DLC1: variants seen among roughly 807,000 people sequenced by gnomAD.
DLC1 encodes the protein DLC1 Rho GTPase activating protein, also known as rho GTPase-activating protein 7.
Under a neutral mutation model 140.3 loss-of-function variants are expected in DLC1, and 54 were observed. The ratio of observed to expected loss-of-function variants is 0.38; its 90% CI spans 0.31 to 0.48. DLC1 has a LOEUF of 0.48. Among genes scored for constraint, DLC1 ranks in the 20% least tolerant of loss-of-function variants. The pLI is 0.96. For synonymous variants in DLC1, 986 were observed against 728.1 expected, an observed-to-expected ratio of 1.35 and a Z score of -5.70; for missense variants, 2,536 against 1,907.0, an observed-to-expected ratio of 1.33 and a Z score of -6.14.
At chr8:13,492,862 A>C (rs1801324647) in intron 2 of DLC1, among the ~76,000 whole-genome samples, 1 of 152,222 alleles carries the variant, frequency 6.6e-6, no homozygotes, top group African/African-American at 2.4e-5. Flanking sequence ...AATATCTGCA[A>C]ATACATTTTT....
At chr8:13,093,148 GA>G (rs35750541) in intron 12 of DLC1, among the ~76,000 whole-genome samples, 103,344 of 150,118 alleles carry the variant, frequency 0.69, 38,633 homozygotes, top group East Asian at 0.86. Context: ...TCCTAAGCAT[GA>G]AAAAAAAAAA....
At chr8:13,201,427 C>T (rs936082237) in intron 5 of DLC1, among the ~76,000 whole-genome samples, 1 of 152,056 alleles carries the variant, frequency 6.6e-6, no homozygotes, top group Non-Finnish European at 1.5e-5. Flanking sequence ...ATATTTTATA[C>T]CTTCTGATAA....
chr8:13,283,833 A>G (rs916080709), intron 5 of DLC1, among the ~76,000 whole-genome samples: 2 of 152,200 alleles, frequency 1.3e-5, no homozygotes, highest in Non-Finnish European at 2.9e-5. Flanking sequence ...TTGAGGTGAC[A>G]GAGATCAGAG....
chr8:13,591,864 A>T (rs1228397023), intron 1 of DLC1, among the ~76,000 whole-genome samples: 2 of 152,144 alleles, frequency 1.3e-5, no homozygotes, highest in Non-Finnish European at 2.9e-5. Flanking sequence ...GAGGAAATTA[A>T]ACAAAGATTA....
At chr8:13,560,971 T>C (rs944466130) in intron 1 of DLC1, among the ~76,000 whole-genome samples, 4 of 152,130 alleles carry the variant, frequency 2.6e-5, no homozygotes, top group African/African-American at 9.7e-5. Context: ...AGATTATATA[T>C]ATATTTTTTA....
intron 1 of DLC1, among the ~76,000 whole-genome samples, chr8:13,549,241 T>A (rs1803765336): frequency 6.6e-6 from 1 of 152,020 alleles, no homozygotes; most frequent in South Asian, 2.1e-4. Context: ...CTTAGCGAGG[T>A]GATACGTCCA....
intron 5 of DLC1, among the ~76,000 whole-genome samples, chr8:13,183,244 A>T (rs1826143512): frequency 6.6e-6 from 1 of 152,176 alleles, no homozygotes; most frequent in African/African-American, 2.4e-5. Context: ...CTAAATATAC[A>T]ATCATGTCAT....
At chr8:13,307,399 A>G (rs2117531149) in intron 4 of DLC1, among the ~76,000 whole-genome samples, 1 of 152,326 alleles carries the variant, frequency 6.6e-6, no homozygotes, top group African/African-American at 2.4e-5. Flanking sequence ...ATTCAATACT[A>G]GAGGAAAGCA....
chr8:13,312,875 G>A (rs1488233172), intron 4 of DLC1, among the ~76,000 whole-genome samples: 3 of 152,060 alleles, frequency 2.0e-5, no homozygotes, highest in East Asian at 1.9e-4. Context: ...AGACATGTAG[G>A]CTGATTTCCA....
chr8:13,252,649 A>G (rs1367436770), intron 5 of DLC1, among the ~76,000 whole-genome samples: 1 of 152,248 alleles, frequency 6.6e-6, no homozygotes, highest in Middle Eastern at 3.2e-3. Context: ...TCTCAGTAAG[A>G]AAATGTTGCA....
rs752098686 is a variant in DLC1 at position 13,100,787 on chromosome 8, G to C, written c.1567-17C>G. 7.1e-6 allele frequency: 11 copies of C among 1,543,598 alleles called. No individual in the cohort carries two copies. The highest frequency in any genetic ancestry group is 1.3e-5 in the South Asian group (1 of 78,450). ...ATCGTCACTCTGCAAAGACAGAAAG[G>C]AGCCATTCACACACTGGGGCTGGCA... is the stretch of plus-strand genomic sequence containing the variant. On this transcript the variant is annotated splice_polypyrimidine_tract_variant and intron_variant, in intron 8 of 17. Coordinates refer to ENST00000276297, the MANE Select transcript of DLC1 (RefSeq NM_182643.3).
At chr8:13,224,629 G>T (rs1021348727) in intron 5 of DLC1, among the ~76,000 whole-genome samples, 1 of 152,170 alleles carries the variant, frequency 6.6e-6, no homozygotes, top group African/African-American at 2.4e-5. Flanking sequence ...TTCTGGGAAG[G>T]TTCTGCTTTG....
At chr8:13,487,528 A>G (rs1446512341) in intron 2 of DLC1, among the ~76,000 whole-genome samples, 4 of 152,032 alleles carry the variant, frequency 2.6e-5, no homozygotes, top group Admixed American at 1.3e-4. Flanking sequence ...TTGAACTCAC[A>G]GGGTCTGCAT....
chr8:13,407,741 C>T (rs1186712280), intron 2 of DLC1, among the ~76,000 whole-genome samples: 1 of 152,154 alleles, frequency 6.6e-6, no homozygotes, highest in African/African-American at 2.4e-5. Context: ...CCTATGCTGT[C>T]TTCAATTCCA....
At chr8:13,126,292 T>C (rs556699122) in intron 5 of DLC1, among the ~76,000 whole-genome samples, 1 of 152,152 alleles carries the variant, frequency 6.6e-6, no homozygotes, top group African/African-American at 2.4e-5. Context: ...AATCATCACA[T>C]CTTTCTGTTT....
At chr8:13,169,172 T>A (rs114370109) in intron 5 of DLC1, among the ~76,000 whole-genome samples, 2,490 of 152,334 alleles carry the variant, frequency 0.016, 66 homozygotes, top group African/African-American at 0.056. Context: ...TTACTCAACA[T>A]TACTCATTTT....
intron 4 of DLC1, among the ~76,000 whole-genome samples, chr8:13,360,426 C>A (rs1020005278): frequency 1.3e-5 from 2 of 152,106 alleles, no homozygotes; most frequent in East Asian, 3.9e-4. Context: ...GGGTTGCAAA[C>A]CATTGATCTA....
intron 5 of DLC1, among the ~76,000 whole-genome samples, chr8:13,132,125 C>T (rs573923032): frequency 4.6e-4 from 70 of 151,940 alleles, no homozygotes; most frequent in African/African-American, 1.5e-3. Context: ...CCTCCTTGTC[C>T]GGGTCAAGGG....
At chr8:13,393,759 C>T (rs1196836949) in intron 3 of DLC1, 66 bp from the exon 4 acceptor site, 1 of 1,546,120 alleles carries the variant, frequency 6.5e-7, no homozygotes, top group Non-Finnish European at 8.7e-7. Flanking sequence ...TTCTTCCTAC[C>T]ACCAGAACTT....
Sources: allele counts gnomAD v4.1 joint callset (sites outside exome capture counted in the v4.1 genomes callset), GRCh38; gene constraint gnomAD v4.1.1; transcripts MANE v1.5; gene names NCBI Gene and HGNC (gene_info 2026-07-23, HGNC 2026-07-21).